Variants in HTR1F observed in about 807,000 individuals in gnomAD.
HTR1F encodes the protein 5-hydroxytryptamine (serotonin) receptor 1F, G protein-coupled.
Under a neutral mutation model 24.0 loss-of-function variants are expected in HTR1F, and 17 were observed. The observed-to-expected ratio is 0.71, with a 90% CI of 0.48 to 1.06. HTR1F has a LOEUF of 1.06. Ranked by LOEUF, HTR1F falls within the 50% of genes least tolerant of loss-of-function variation. The pLI is 0.00. For missense variants in HTR1F, 391 were observed against 427.8 expected (o/e 0.91, Z 0.76); for synonymous variants, 186 against 156.8 (o/e 1.19, Z -1.39).
chr3:87,815,370 A>G (rs2107108633), intron 1 of HTR1F, among the ~76,000 whole-genome samples: 1 of 152,202 alleles, frequency 6.6e-6, no homozygotes, highest in East Asian at 1.9e-4. Context: ...ATATATTCCA[A>G]ATGCAAAGTA....
chr3:87,830,890 C>G (rs1452122768), intron 2 of HTR1F, among the ~76,000 whole-genome samples: 1 of 152,128 alleles, frequency 6.6e-6, no homozygotes, highest in Non-Finnish European at 1.5e-5. Flanking sequence ...TGAGTTCTTT[C>G]TCTAAGCAAT....
intron 2 of HTR1F, among the ~76,000 whole-genome samples, chr3:87,987,746 A>T (rs1031649487): frequency 1.4e-5 from 2 of 140,168 alleles, no homozygotes; most frequent in East Asian, 2.0e-4. Context: ...ATATATATAA[A>T]ATATATGTAT....
At chr3:87,866,123 A>G (rs1201321347) in intron 2 of HTR1F, among the ~76,000 whole-genome samples, 2 of 152,252 alleles carry the variant, frequency 1.3e-5, no homozygotes, top group Non-Finnish European at 2.9e-5. Context: ...GGAAAATGAA[A>G]AACATTTTGT....
intron 2 of HTR1F, among the ~76,000 whole-genome samples, chr3:87,900,646 A>G (rs1359201422): frequency 1.3e-5 from 2 of 152,174 alleles, no homozygotes; most frequent in Non-Finnish European, 2.9e-5. Context: ...TAGAGGTGGC[A>G]GTGAGAATTT....
chr3:87,883,635 G>A (rs1049820311), intron 2 of HTR1F, among the ~76,000 whole-genome samples: 5 of 152,154 alleles, frequency 3.3e-5, no homozygotes, highest in African/African-American at 1.2e-4. Flanking sequence ...AGAATAAACA[G>A]TGTAGAGAAG....
chr3:87,875,944 G>T (rs62267044), intron 2 of HTR1F, among the ~76,000 whole-genome samples: 15 of 149,390 alleles, frequency 1.0e-4, no homozygotes, highest in Admixed American at 1.3e-4. Flanking sequence ...AAAAAAAAGG[G>T]CAAGACTCAA....
intron 2 of HTR1F, among the ~76,000 whole-genome samples, chr3:87,874,184 G>GTATC (rs2107264198): frequency 6.6e-6 from 1 of 151,954 alleles, no homozygotes; most frequent in Non-Finnish European, 1.5e-5. Context: ...ATAAATAAAT[G>GTATC]TATCTCTGTT....
intron 2 of HTR1F, among the ~76,000 whole-genome samples, chr3:87,866,708 T>C (rs1480991792): frequency 1.3e-5 from 2 of 151,960 alleles, no homozygotes; most frequent in Admixed American, 6.6e-5. Flanking sequence ...TGGATGTTTG[T>C]TTTCTTACAG....
intron 1 of HTR1F, among the ~76,000 whole-genome samples, chr3:87,815,942 T>G (rs1423902647): frequency 6.6e-6 from 1 of 152,130 alleles, no homozygotes; most frequent in Non-Finnish European, 1.5e-5. Flanking sequence ...AATTATTCAA[T>G]GCAAGTTTTC....
intron 2 of HTR1F, among the ~76,000 whole-genome samples, chr3:87,918,675 A>G (rs745678989): frequency 6.6e-6 from 1 of 152,114 alleles, no homozygotes; most frequent in Non-Finnish European, 1.5e-5. Context: ...AAGGAGTCTA[A>G]AAACCTCTAA....
intron 2 of HTR1F, among the ~76,000 whole-genome samples, chr3:87,952,090 AT>A (rs1462946734): frequency 6.6e-6 from 1 of 151,564 alleles, no homozygotes; most frequent in East Asian, 1.9e-4. Context: ...CTTGGTTGAG[AT>A]TTTTTTTCAA....
chr3:87,979,576 T>C (rs964617515), intron 2 of HTR1F, among the ~76,000 whole-genome samples: 21 of 152,132 alleles, frequency 1.4e-4, no homozygotes, highest in Non-Finnish European at 2.5e-4. Flanking sequence ...TGTCACAAGA[T>C]CCTTAGGTTG....
At chr3:87,963,651 T>C (rs1003430068) in intron 2 of HTR1F, among the ~76,000 whole-genome samples, 1 of 152,112 alleles carries the variant, frequency 6.6e-6, no homozygotes, top group South Asian at 2.1e-4. Flanking sequence ...TTGCAGGAAA[T>C]CCATGATTTT....
chr3:87,849,065 T>C (rs977940054), intron 2 of HTR1F, among the ~76,000 whole-genome samples: 3 of 151,380 alleles, frequency 2.0e-5, no homozygotes, highest in African/African-American at 7.4e-5. Context: ...ACCATCCCCA[T>C]CAAGCTACCA....
At chr3:87,865,392 C>G (rs1705405559) in intron 2 of HTR1F, among the ~76,000 whole-genome samples, 1 of 151,838 alleles carries the variant, frequency 6.6e-6, no homozygotes, top group Non-Finnish European at 1.5e-5. Context: ...ATAAACAGAC[C>G]ATAGTAGCCA....
At chr3:87,905,571 C>A (rs908632146) in intron 2 of HTR1F, among the ~76,000 whole-genome samples, 5 of 152,036 alleles carry the variant, frequency 3.3e-5, no homozygotes, top group African/African-American at 1.2e-4. Context: ...CGTTGGGATG[C>A]TCCCTTTGAC....
intron 2 of HTR1F, among the ~76,000 whole-genome samples, chr3:87,925,404 C>G (rs1704102498): frequency 1.3e-5 from 2 of 152,106 alleles, no homozygotes; most frequent in African/African-American, 4.8e-5. Context: ...GACCTCCCAG[C>G]TGTACTGGAC....
At chr3:87,944,946 C>T (rs746905827) in intron 2 of HTR1F, among the ~76,000 whole-genome samples, 7 of 152,162 alleles carry the variant, frequency 4.6e-5, no homozygotes, top group African/African-American at 7.2e-5. Context: ...TACAGGGTCA[C>T]GGAGAAGACC....
intron 1 of HTR1F, among the ~76,000 whole-genome samples, chr3:87,816,544 A>G (rs935843524): frequency 2.8e-4 from 42 of 152,146 alleles, no homozygotes; most frequent in African/African-American, 8.9e-4. Flanking sequence ...GATTTTCTCA[A>G]CTCAGAAGTA....
Sources: allele counts gnomAD v4.1 joint callset (sites outside exome capture counted in the v4.1 genomes callset), GRCh38; gene constraint gnomAD v4.1.1; transcripts MANE v1.5; gene names NCBI Gene and HGNC (gene_info 2026-07-23, HGNC 2026-07-21).